Variants in STAC observed in about 807,000 individuals in gnomAD.
STAC encodes SH3 and cysteine rich domain.
Under a neutral mutation model 48.8 loss-of-function variants are expected in STAC, and 43 were observed. That is an observed-to-expected ratio of 0.88 (90% CI 0.69 to 1.14). The LOEUF (loss-of-function observed/expected upper bound fraction) is 1.14. Ranked by LOEUF, STAC falls within the 50% of genes most tolerant of loss-of-function variation. STAC has a pLI of 0.00. For missense variants in STAC, 497 were observed against 504.0 expected (o/e 0.99, Z 0.13); for synonymous variants, 193 against 179.5 (o/e 1.07, Z -0.60).
At chr3:36,406,687 A>G (rs1700093934) in intron 1 of STAC, among the ~76,000 whole-genome samples, 1 of 152,200 alleles carries the variant, frequency 6.6e-6, no homozygotes, top group East Asian at 1.9e-4. Flanking sequence ...TTGTAAATAA[A>G]CTTTCATTGA....
chr3:36,522,765 G>A (rs1698836321), intron 8 of STAC, among the ~76,000 whole-genome samples: 1 of 152,190 alleles, frequency 6.6e-6, no homozygotes. Flanking sequence ...CTCAGAAGCA[G>A]TGTCCTCATC....
At chr3:36,542,302 G>A (rs186487124) in intron 10 of STAC, among the ~76,000 whole-genome samples, 9 of 152,200 alleles carry the variant, frequency 5.9e-5, no homozygotes, top group South Asian at 2.1e-4. Context: ...TCTCCTTGTC[G>A]GTGATGACTT....
chr3:36,418,706 G>C (rs1220328143), intron 1 of STAC, among the ~76,000 whole-genome samples: 1 of 151,376 alleles, frequency 6.6e-6, no homozygotes, highest in Non-Finnish European at 1.5e-5. Flanking sequence ...GGATATCAAA[G>C]TATTTTACTA....
intron 6 of STAC, among the ~76,000 whole-genome samples, chr3:36,501,011 G>C (rs1698269895): frequency 6.6e-6 from 1 of 152,148 alleles, no homozygotes; most frequent in South Asian, 2.1e-4. Flanking sequence ...AGGATCACTT[G>C]AGCCTGGAAG....
At chr3:36,519,360 C>G (rs1467566555) in intron 8 of STAC, among the ~76,000 whole-genome samples, 1 of 151,942 alleles carries the variant, frequency 6.6e-6, no homozygotes, top group Admixed American at 6.6e-5. Flanking sequence ...TCTTTTTTCT[C>G]TTTCTGGAGG....
chr3:36,506,086 G>A (rs1698396135), intron 8 of STAC: 2 of 302,214 alleles, frequency 6.6e-6, no homozygotes, highest in South Asian at 1.9e-4. Flanking sequence ...TGACAATGCT[G>A]TCCAAGGAAC....
chr3:36,401,779 C>A, intron 1 of STAC, among the ~76,000 whole-genome samples: 1 of 152,158 alleles, frequency 6.6e-6, no homozygotes, highest in East Asian at 1.9e-4. Context: ...AGCACTAAAC[C>A]AAACTTGGGG....
chr3:36,532,702 T>G (rs1215069308), intron 10 of STAC, among the ~76,000 whole-genome samples: 2 of 152,198 alleles, frequency 1.3e-5, no homozygotes, highest in South Asian at 4.1e-4. Flanking sequence ...TAAAAGTATA[T>G]GCAAACCCCA....
At chr3:36,461,567 G>C (rs1424637515) in intron 2 of STAC, among the ~76,000 whole-genome samples, 1 of 152,136 alleles carries the variant, frequency 6.6e-6, no homozygotes, top group Non-Finnish European at 1.5e-5. Context: ...TTTCTAAGGT[G>C]ATAAATGATA....
At chr3:36,471,702 A>G (rs1697340592) in intron 2 of STAC, among the ~76,000 whole-genome samples, 1 of 152,204 alleles carries the variant, frequency 6.6e-6, no homozygotes, top group Middle Eastern at 3.2e-3. Context: ...TAAAGCTCCA[A>G]AATGATCTCC....
intron 10 of STAC, among the ~76,000 whole-genome samples, chr3:36,537,370 G>A (rs1037136538): frequency 6.6e-6 from 1 of 152,074 alleles, no homozygotes; most frequent in African/African-American, 2.4e-5. Context: ...GCCATAAAAA[G>A]GAATAAGATC....
chr3:36,462,028 G>T (rs1697033536), intron 2 of STAC, among the ~76,000 whole-genome samples: 8 of 152,124 alleles, frequency 5.3e-5, no homozygotes, highest in Admixed American at 4.6e-4. Context: ...GAACAGTTAG[G>T]AGGCTATTAC....
chr3:36,512,279 T>C (rs1013456215), intron 8 of STAC, among the ~76,000 whole-genome samples: 5 of 152,118 alleles, frequency 3.3e-5, no homozygotes, highest in Non-Finnish European at 7.4e-5. Context: ...GTTACAGACA[T>C]GACAAGCCCT....
At chr3:36,514,037 G>T (rs1459067566) in intron 8 of STAC, among the ~76,000 whole-genome samples, 1 of 151,832 alleles carries the variant, frequency 6.6e-6, no homozygotes, top group Non-Finnish European at 1.5e-5. Flanking sequence ...ACTTGTAAAA[G>T]GAGATAATCA....
At chr3:36,398,632 G>GAGAA (rs796825618) in intron 1 of STAC, among the ~76,000 whole-genome samples, 5 of 88,874 alleles carry the variant, frequency 5.6e-5, no homozygotes, top group African/African-American at 1.3e-4. Flanking sequence ...GAAAAAGAGA[G>GAGAA]AGAAAGAAAG....
chr3:36,486,204 G>A lies in STAC; in HGVS notation c.642G>A (p.Lys214=). The A allele has an allele frequency of 1.2e-6, 2 of 1,614,012 alleles. No individual in the cohort carries two copies. The highest frequency in any genetic ancestry group is 2.2e-5 in the South Asian group (2 of 91,034). Residue 214 remains lysine, a synonymous_variant, in exon 5 of 11, where the codon AAG becomes AAA. Coordinates refer to ENST00000273183, the MANE Select transcript of STAC (RefSeq NM_003149.3). ...GCACCTCCCTGGCCCAGAGGACAAA[G>A]AAGGGCAGCTCCGGCAGTGGCTCTG... ...RFGTSLAQRT[K]KGSSGSGSDS...
At chr3:36,456,543 C>T (rs555996225) in intron 2 of STAC, among the ~76,000 whole-genome samples, 5 of 152,106 alleles carry the variant, frequency 3.3e-5, no homozygotes, top group African/African-American at 1.2e-4. Context: ...AGGGACCATG[C>T]GAAGCTGCTG....
At chr3:36,535,952 G>A (rs1575270181) in intron 10 of STAC, among the ~76,000 whole-genome samples, 1 of 152,138 alleles carries the variant, frequency 6.6e-6, no homozygotes, top group East Asian at 1.9e-4. Context: ...GTCTCTGCCA[G>A]GTTTTAGTAC....
intron 2 of STAC, among the ~76,000 whole-genome samples, chr3:36,481,185 T>C (rs1296153804): frequency 6.6e-6 from 1 of 152,110 alleles, no homozygotes; most frequent in Non-Finnish European, 1.5e-5. Context: ...GCTCGAGTAT[T>C]CAAGGAACTA....
Sources: allele counts gnomAD v4.1 joint callset (sites outside exome capture counted in the v4.1 genomes callset), GRCh38; gene constraint gnomAD v4.1.1; transcripts MANE v1.5; gene names NCBI Gene and HGNC (gene_info 2026-07-23, HGNC 2026-07-21).